NXPH2: variants seen among roughly 807,000 people sequenced by gnomAD.
NXPH2 encodes neurexophilin-2.
NXPH2 carries 5 observed loss-of-function variants against 19.8 expected under a neutral mutation model. The observed-to-expected ratio is 0.25, with a 90% CI of 0.13 to 0.53. The LOEUF is 0.53. Ranked by LOEUF, NXPH2 falls within the 20% of genes least tolerant of loss-of-function variation. The probability of loss-of-function intolerance (pLI) is 0.96; values close to 1 mark genes in which losing one functional copy is unlikely to be tolerated. For missense variants in NXPH2, 289 were observed against 322.8 expected (o/e 0.90, Z 0.80); for synonymous variants, 154 against 127.4 (o/e 1.21, Z -1.41).
At chr2:138,712,259 C>T (rs1400196703) in intron 1 of NXPH2, among the ~76,000 whole-genome samples, 1 of 152,082 alleles carries the variant, frequency 6.6e-6, no homozygotes, top group Admixed American at 6.5e-5. Flanking sequence ...CAGTCTCTCC[C>T]CAGTGGATAG....
intron 1 of NXPH2, among the ~76,000 whole-genome samples, chr2:138,725,539 T>G (rs75665666): frequency 6.6e-6 from 1 of 152,216 alleles, no homozygotes; most frequent in African/African-American, 2.4e-5. Flanking sequence ...GCTAAAATCA[T>G]GGTTTCATGA....
chr2:138,726,291 C>G (rs984530432), intron 1 of NXPH2, among the ~76,000 whole-genome samples: 2 of 152,010 alleles, frequency 1.3e-5, no homozygotes, highest in African/African-American at 4.8e-5. Context: ...GTGATCTGCC[C>G]GCCTCAGCCT....
chr2:138,780,154 C>T, intron 1 of NXPH2, 37 bp downstream of exon 1: 1 of 1,472,712 alleles, frequency 6.8e-7, no homozygotes, highest in Non-Finnish European at 8.9e-7. Context: ...GAAACGCGTC[C>T]CCGGCGTGTG....
At chr2:138,699,350 C>T (rs1327441840) in intron 1 of NXPH2, among the ~76,000 whole-genome samples, 1 of 152,102 alleles carries the variant, frequency 6.6e-6, no homozygotes, top group Non-Finnish European at 1.5e-5. Context: ...CCTCCCTTAT[C>T]CAATCACGGC....
intron 1 of NXPH2, among the ~76,000 whole-genome samples, chr2:138,684,294 CA>C (rs1235063987): frequency 1.3e-5 from 2 of 151,752 alleles, no homozygotes; most frequent in African/African-American, 4.8e-5. Flanking sequence ...GACTCAACAC[CA>C]AAAACAAACA....
intron 1 of NXPH2, among the ~76,000 whole-genome samples, chr2:138,752,876 G>C (rs1447803953): frequency 6.6e-6 from 1 of 152,146 alleles, no homozygotes; most frequent in Non-Finnish European, 1.5e-5. Flanking sequence ...GGGATTACAT[G>C]TTTGGGAGAG....
chr2:138,727,599 C>A (rs1681378888), intron 1 of NXPH2, among the ~76,000 whole-genome samples: 1 of 139,164 alleles, frequency 7.2e-6, no homozygotes, highest in South Asian at 2.2e-4. Context: ...GGTTGTTTTC[C>A]TATTGTTGGA....
At chr2:138,756,727 C>T (rs754871949) in intron 1 of NXPH2, among the ~76,000 whole-genome samples, 7 of 152,116 alleles carry the variant, frequency 4.6e-5, no homozygotes, top group Non-Finnish European at 4.4e-5. Flanking sequence ...CAGAAGTTTT[C>T]GCTCATGGCC....
At chr2:138,715,930 G>C (rs1449377951) in intron 1 of NXPH2, among the ~76,000 whole-genome samples, 3 of 152,150 alleles carry the variant, frequency 2.0e-5, no homozygotes, top group African/African-American at 4.8e-5. Flanking sequence ...CTGGGGTGGG[G>C]TGAGGGCTAG....
At chr2:138,729,430 C>T (rs1253177779) in intron 1 of NXPH2, among the ~76,000 whole-genome samples, 1 of 152,118 alleles carries the variant, frequency 6.6e-6, no homozygotes, top group Non-Finnish European at 1.5e-5. Flanking sequence ...CCTCTCCAGC[C>T]TTATGAAACT....
chr2:138,670,409 T>C lies in NXPH2; in HGVS notation c.*513A>G, dbSNP rs1159006740. On this transcript the variant is annotated 3_prime_UTR_variant, in exon 2 of 2. Transcript: ENST00000272641. ...GAAACAAATTTTACCTTTTTTTCTC[T>C]CATATCAATAACAGCACAGATGGAT... 1.3e-5 allele frequency among the ~76,000 whole-genome samples: 2 copies of C among 152,138 alleles called. No individual in the cohort carries two copies. Among genetic ancestry groups the C allele is most frequent in the Non-Finnish European group, 2.9e-5 (2 of 68,024 alleles).
intron 1 of NXPH2, among the ~76,000 whole-genome samples, chr2:138,766,372 C>A (rs1289924431): frequency 1.3e-5 from 2 of 152,184 alleles, no homozygotes; most frequent in Admixed American, 6.5e-5. Context: ...AGGTTTCTCA[C>A]CCACTCCAGG....
intron 1 of NXPH2, among the ~76,000 whole-genome samples, chr2:138,673,615 TTTTA>T (rs1250244937): frequency 6.6e-6 from 1 of 152,036 alleles, no homozygotes; most frequent in African/African-American, 2.4e-5. Flanking sequence ...TCAGAACTTG[TTTTA>T]TTTTATTTAA....
intron 1 of NXPH2, among the ~76,000 whole-genome samples, chr2:138,705,295 CT>C (rs1311486315): frequency 3.3e-5 from 5 of 152,062 alleles, no homozygotes; most frequent in African/African-American, 9.7e-5. Context: ...CATTAAGATC[CT>C]TTTTTTCCTT....
chr2:138,725,386 G>T (rs1451110329), intron 1 of NXPH2, among the ~76,000 whole-genome samples: 1 of 152,174 alleles, frequency 6.6e-6, no homozygotes, highest in Non-Finnish European at 1.5e-5. Flanking sequence ...ATTTTACTCA[G>T]ATCTATACCA....
At chr2:138,733,388 A>G (rs1016905214) in intron 1 of NXPH2, among the ~76,000 whole-genome samples, 7 of 152,226 alleles carry the variant, frequency 4.6e-5, no homozygotes, top group Admixed American at 4.6e-4. Flanking sequence ...AGATCTGGAT[A>G]TTTTATTTCT....
At chr2:138,742,384 T>A (rs1305880040) in intron 1 of NXPH2, among the ~76,000 whole-genome samples, 2 of 152,214 alleles carry the variant, frequency 1.3e-5, no homozygotes, top group Non-Finnish European at 2.9e-5. Context: ...GCCCTGGAAC[T>A]ATTTGGAAAT....
chr2:138,763,183 A>G lies in NXPH2; in HGVS notation c.51+17008T>C, dbSNP rs1196135118. On this transcript the variant is annotated intron_variant, in intron 1 of 1. Coordinates refer to ENST00000272641, the MANE Select transcript of NXPH2 (RefSeq NM_007226.3). ...ATATAAATATCAGCAAATTAAACCT[A>G]TTACCTCATCAGAAAAATCATAAAT... 2.0e-5 allele frequency among the ~76,000 whole-genome samples: 3 copies of G among 152,218 alleles called. No homozygotes were observed. In the East Asian group the frequency reaches 5.8e-4, roughly 29 times the overall value.
intron 1 of NXPH2, among the ~76,000 whole-genome samples, chr2:138,713,199 C>A (rs143195982): frequency 6.6e-6 from 1 of 152,198 alleles, no homozygotes; most frequent in African/African-American, 2.4e-5. Context: ...GATGGATCTG[C>A]GACTGGGCTC....
Sources: gnomAD v4.1 joint callset for allele counts (sites outside exome capture counted in the v4.1 genomes callset) on GRCh38, gnomAD v4.1.1 for gene constraint, MANE v1.5 for transcripts, NCBI Gene and HGNC (gene_info 2026-07-23, HGNC 2026-07-21) for gene names.